SLC22A12: variants seen among roughly 807,000 people sequenced by gnomAD.
SLC22A12 encodes solute carrier family 22 member 12.
SLC22A12 carries 56 observed loss-of-function variants against 52.7 expected under a neutral mutation model. The ratio of observed to expected loss-of-function variants is 1.06; its 90% CI spans 0.86 to 1.33. The LOEUF is 1.33. SLC22A12 is among the 40% of genes most tolerant of loss of function. The probability of loss-of-function intolerance (pLI) is 0.00; values close to 1 mark genes in which losing one functional copy is unlikely to be tolerated. For synonymous variants in SLC22A12, 337 were observed against 324.6 expected (o/e 1.04, Z -0.41); for missense variants, 683 against 741.5 (o/e 0.92, Z 0.92).
intron 5 of SLC22A12, 40 bp from the exon 6 acceptor site, chr11:64,598,768 G>C (rs1239510214): frequency 1.2e-6 from 2 of 1,610,900 alleles, no homozygotes; most frequent in Admixed American, 3.3e-5. Context: ...GAGGTGCCTG[G>C]CGCCCCCAGT....
chr11:64,595,293 G>A (rs1396071121), intron 4 of SLC22A12, among the ~76,000 whole-genome samples: 1 of 14,588 alleles, frequency 6.9e-5, no homozygotes, highest in African/African-American at 8.3e-5. Context: ...ATGGATGGTT[G>A]GATGGATGGA....
chr11:64,595,952 ATGG>A (rs2039183524), intron 4 of SLC22A12, among the ~76,000 whole-genome samples: 3 of 64,666 alleles, frequency 4.6e-5, no homozygotes, highest in East Asian at 3.9e-4. Flanking sequence ...GGATGGATGG[ATGG>A]ATGGATGGAT....
chr11:64,591,437 G>A lies in SLC22A12; in HGVS notation c.-120G>A. The A allele has an allele frequency of 7.4e-7, 1 of 1,358,518 alleles. No individual in the cohort carries two copies. Among genetic ancestry groups the A allele is most frequent in the Non-Finnish European group, 1.0e-6 (1 of 981,894 alleles). The allele number at this position is 1,358,518 out of a possible 1,614,324, so 84.2% of individuals were successfully genotyped here. ...CCCGAGTCTGTGAAGCCTAGCCGCTGGGCTGGAGAAGCCACTGTGGGCACC... is the reference window on the plus strand; with the variant it reads ...CCCGAGTCTGTGAAGCCTAGCCGCTAGGCTGGAGAAGCCACTGTGGGCACC... On this transcript the variant is annotated 5_prime_UTR_variant, in exon 1 of 10. Coordinates refer to ENST00000377574, the MANE Select transcript of SLC22A12 (RefSeq NM_144585.4).
At position 64,597,463 on chromosome 11, in the gene SLC22A12, C is replaced by A. The variant is rs1418400985; in HGVS notation, c.831-1053C>A. Among the ~76,000 whole-genome samples the A allele has an allele frequency of 3.9e-5, 6 of 152,290 alleles. No homozygotes were observed. The East Asian group carries it at 9.6e-4, about 24-fold the overall frequency. ...CCTCTCCTCCCCAAGTCTTCCCCAG[C>A]GTGGGGAGCAGCCCCTGAACTCACC... is the stretch of plus-strand genomic sequence containing the variant. On this transcript the variant is annotated intron_variant, in intron 4 of 9. Transcript: ENST00000377574.
intron 6 of SLC22A12, 51 bp downstream of exon 6, chr11:64,598,974 G>T: frequency 1.3e-6 from 2 of 1,597,700 alleles, no homozygotes; most frequent in Admixed American, 1.7e-5. Flanking sequence ...TGGAATCGGG[G>T]CTCTCGCTGG....
intron 7 of SLC22A12, 42 bp downstream of exon 7, chr11:64,599,932 G>C (rs538629966): frequency 1.0e-5 from 16 of 1,584,278 alleles, no homozygotes; most frequent in African/African-American, 1.3e-5. Flanking sequence ...CCCTACCTTG[G>C]GGGGGTCTCG....
intron 4 of SLC22A12, among the ~76,000 whole-genome samples, chr11:64,595,943 GA>G (rs2039180607): frequency 2.2e-5 from 1 of 46,128 alleles, no homozygotes; most frequent in Non-Finnish European, 1.2e-4. Flanking sequence ...TGGATGGATG[GA>G]TGGATGGATG....
At chr11:64,600,606 T>G in intron 8 of SLC22A12, 129 bp from the exon 9 acceptor site, 1 of 1,434,110 alleles carries the variant, frequency 7.0e-7, no homozygotes, top group Non-Finnish European at 9.5e-7. Context: ...TCCCCGGGGC[T>G]GCTCAGGTGC....
chr11:64,600,297 TG>T, intron 7 of SLC22A12, 69 bp from the exon 8 acceptor site: 2 of 1,226,900 alleles, frequency 1.6e-6, no homozygotes, highest in Non-Finnish European at 2.3e-6. Flanking sequence ...ACAAGCCCCC[TG>T]GGCTGAAGGG....
rs202184504 is a variant in SLC22A12 at position 64,594,742 on chromosome 11, C to T, written c.830+939C>T. ...ATGGATGGACGGACAGACGGACGGA[C>T]GGTTGGATGGATGGATGGATGGATG... On this transcript the variant is annotated intron_variant, in intron 4 of 9. Coordinates refer to ENST00000377574, the MANE Select transcript of SLC22A12 (RefSeq NM_144585.4). Among the ~76,000 whole-genome samples the T allele has an allele frequency of 1.2e-4, 12 of 97,802 alleles. No individual in the cohort carries two copies. The East Asian group carries it at 1.7e-3, about 14-fold the overall frequency. The allele number at this position is 97,802 out of a possible 152,430, so 64.2% of individuals were successfully genotyped here. A position where few individuals can be genotyped will look rare whatever the true frequency, so the allele number is the denominator to read the frequency against.
rs749232764 is a variant in SLC22A12, at chr11:64,598,907, A to C, written c.1054A>C (p.Ile352Leu). 1 of 1,612,834 alleles carries C rather than the reference A, an allele frequency of 6.2e-7. No homozygotes were observed. The highest frequency in any genetic ancestry group is 1.7e-5 in the Admixed American group (1 of 60,020). ...RMPGLRFRTC[I>L]STLCWFAFGF... is the part of the protein sequence containing the mutation. ...GCCCGGACTGCGCTTCCGGACCTGT[A>C]TCTCCACGTTGTGCTGGTAGATGCC... Residue 352 changes from isoleucine to leucine, a missense_variant, in exon 6 of 10, where the codon ATC becomes CTC. Physicochemically the swap from Ile to Leu is conservative, Grantham distance 5. Transcript: ENST00000377574.
rs1335262774 is a variant in SLC22A12 at position 64,600,931 on chromosome 11, C to T, written c.1591C>T (p.Gln531Ter). Reference sequence around the variant, plus strand: ...GCTGCCCGACACCATCCAAGATGTGCAGAACCAGTGAGTGGACCCAGCCTC... The same window carrying T: ...GCTGCCCGACACCATCCAAGATGTGTAGAACCAGTGAGTGGACCCAGCCTC... ...LPLPDTIQDV[Q>*]NQAVKKATHG... is the part of the protein sequence containing the mutation. Residue 531 changes from glutamine to a stop codon, truncating the protein, a stop_gained, in exon 9 of 10, where the codon CAG (glutamine) becomes TAG (stop). Transcript: ENST00000377574. LOFTEE classifies it low-confidence loss of function (END_TRUNC). 1 of 1,608,270 alleles carries T rather than the reference C, an allele frequency of 6.2e-7. No homozygotes were observed.
Position 64,600,826 on chromosome 11 carries a change from C to T in SLC22A12, c.1486C>T (p.Leu496=). The change falls in exon 9 of 10, where the codon CTG becomes TTG. Residue 496 remains leucine, a synonymous_variant. Coordinates refer to ENST00000377574, the MANE Select transcript of SLC22A12 (RefSeq NM_144585.4). ...VRLLGVHGPW[L]PLLVYGTVPV... is the part of the protein sequence containing the mutation. The stretch of plus-strand genomic sequence containing the variant: ...GCTGCTGGGTGTCCATGGCCCCTGG[C>T]TGCCCTTGCTGGTGTATGGGACGGT... 1.2e-6 allele frequency: 2 copies of T among 1,607,268 alleles called. No individual in the cohort carries two copies. Among genetic ancestry groups the T allele is most frequent in the Non-Finnish European group, 8.5e-7 (1 of 1,179,976 alleles).
In SLC22A12 at chr11:64,595,350, A is replaced by AATGG. The variant is rs796558193; in HGVS notation, c.830+1589_830+1592dup. On this transcript the variant is annotated intron_variant, in intron 4 of 9. Coordinates refer to ENST00000377574, the MANE Select transcript of SLC22A12 (RefSeq NM_144585.4). ...GGATGGATGGTTGAATGGATGGTTGAATGGATGGATGGATGGATGGATGGA... is the reference window on the plus strand; with the variant it reads ...GGATGGATGGTTGAATGGATGGTTGAATGGATGGATGGATGGATGGATGGATGGA... Among the ~76,000 whole-genome samples, 12 of 58,080 alleles carry AATGG rather than the reference A, an allele frequency of 2.1e-4. 1 individual carries two copies. Among genetic ancestry groups the AATGG allele is most frequent in the East Asian group, 8.0e-4 (1 of 1,246 alleles). The allele number at this position is 58,080 out of a possible 152,430, so 38.1% of individuals were successfully genotyped here.
At position 64,591,348 on chromosome 11, in the gene SLC22A12, GC is replaced by G; in HGVS notation, c.-206del. On this transcript the variant is annotated 5_prime_UTR_variant, in exon 1 of 10. An upstream open reading frame in the 5' UTR loses its in-frame stop. Coordinates refer to ENST00000377574, the MANE Select transcript of SLC22A12 (RefSeq NM_144585.4). The stretch of plus-strand genomic sequence containing the variant: ...CGGAATCACCTCACGCGGCCTCAGG[GC>G]CCAGTTGGAGCCACCCCAAGTGACA... 3.1e-6 allele frequency: 2 copies of G among 643,150 alleles called. No individual in the cohort carries two copies. Among genetic ancestry groups the G allele is most frequent in the Non-Finnish European group, 5.3e-6 (2 of 378,912 alleles). The allele number at this position is 643,150 out of a possible 1,614,324, so 39.8% of individuals were successfully genotyped here.
At position 64,592,017 on chromosome 11, in the gene SLC22A12, C is replaced by T. The variant is rs963025879; in HGVS notation, c.402+59C>T. 14 of 1,584,220 alleles carry T rather than the reference C, an allele frequency of 8.8e-6. 1 individual carries two copies. The Middle Eastern group carries it at 6.6e-4, about 75-fold the overall frequency. ...CACCTTGGAGGTCAGTCATGGATCA[C>T]GGTGGGTCAGACTCAAAGGTCCAGT... is the stretch of plus-strand genomic sequence containing the variant. On this transcript the variant is annotated intron_variant, in intron 1 of 9. Transcript: ENST00000377574.
intron 4 of SLC22A12, among the ~76,000 whole-genome samples, chr11:64,597,605 C>T (rs2039290202): frequency 6.6e-6 from 1 of 152,226 alleles, no homozygotes; most frequent in African/African-American, 2.4e-5. Flanking sequence ...CCACTTCTCC[C>T]CTCTGTTCTG....
intron 6 of SLC22A12, 85 bp from the exon 7 acceptor site, chr11:64,599,591 G>GCCCCCCCCGCCCCTTGTTCCCCC: frequency 1.6e-6 from 1 of 617,180 alleles, no homozygotes; most frequent in South Asian, 2.6e-5. Flanking sequence ...CCCACCCTGA[G>GCCCCCCCCGCCCCTTGTTCCCCC]CCCCCACCGC....
intron 8 of SLC22A12, 75 bp from the exon 9 acceptor site, chr11:64,600,660 G>T: frequency 6.3e-7 from 1 of 1,590,350 alleles, no homozygotes. Context: ...TGGGCCAAGC[G>T]GGCCTGGCCC....
Sources: gnomAD v4.1 joint callset for allele counts (sites outside exome capture counted in the v4.1 genomes callset) on GRCh38, gnomAD v4.1.1 for gene constraint, MANE v1.5 for transcripts, NCBI Gene and HGNC (gene_info 2026-07-23, HGNC 2026-07-21) for gene names.